Variants in RANBP2 observed in about 807,000 individuals in gnomAD.
The protein encoded by RANBP2 is RAN binding protein 2.
Under a neutral mutation model 303.6 loss-of-function variants are expected in RANBP2, and 57 were observed. That is an observed-to-expected ratio of 0.19 (90% CI 0.15 to 0.23). The LOEUF (loss-of-function observed/expected upper bound fraction) is 0.23. Among genes scored for constraint, RANBP2 ranks in the 10% least tolerant of loss-of-function variants. RANBP2 has a pLI of 1.00. For synonymous variants in RANBP2, 1,167 were observed against 1,301.5 expected (o/e 0.90, Z 2.23); for missense variants, 3,138 against 3,780.8 (o/e 0.83, Z 4.46).
At chr2:109,574,708 A>G in the RANBP2 span, 6 of 1,607,214 alleles carry the variant, frequency 3.7e-6, no homozygotes, top group Middle Eastern at 1.7e-4. Context: ...CTTAATCTTC[A>G]GTTCTTCTTG....
chr2:109,258,073 G>A, the RANBP2 span, among the ~76,000 whole-genome samples: 1 of 152,166 alleles, frequency 6.6e-6, no homozygotes, highest in Non-Finnish European at 1.5e-5. Context: ...CCATCCCTGG[G>A]CTACCAGGCA....
intron 1 of RANBP2, among the ~76,000 whole-genome samples, chr2:108,726,632 AT>A (rs1041242382): frequency 7.5e-4 from 113 of 151,406 alleles, no homozygotes; most frequent in African/African-American, 2.6e-3. Context: ...TATTATTATT[AT>A]TTTTTTAATT....
At chr2:109,032,186 T>A in the RANBP2 span, among the ~76,000 whole-genome samples, 3 of 152,116 alleles carry the variant, frequency 2.0e-5, no homozygotes, top group African/African-American at 7.2e-5. Context: ...ATGTCATAGA[T>A]CTTTGGAGAT....
the RANBP2 span, among the ~76,000 whole-genome samples, chr2:109,505,960 T>C: frequency 2.0e-5 from 3 of 152,308 alleles, no homozygotes; most frequent in South Asian, 2.1e-4. Flanking sequence ...GTATTCTGCC[T>C]ATAGAAATTA....
At chr2:109,780,682 CA>C in the RANBP2 span, among the ~76,000 whole-genome samples, 3 of 101,574 alleles carry the variant, frequency 3.0e-5, 1 homozygote, top group African/African-American at 1.5e-4. Flanking sequence ...GTCGAACTGT[CA>C]AACACAAGCA....
the RANBP2 span, among the ~76,000 whole-genome samples, chr2:109,204,260 C>T: frequency 6.6e-5 from 10 of 152,154 alleles, no homozygotes; most frequent in African/African-American, 1.7e-4. Flanking sequence ...TTGCTTATGC[C>T]CTGTTGCTTC....
the RANBP2 span, among the ~76,000 whole-genome samples, chr2:109,751,443 G>T: frequency 3.4e-5 from 5 of 148,012 alleles, no homozygotes; most frequent in African/African-American, 1.3e-4. Flanking sequence ...GCCATGTAAG[G>T]TTATCTAATT....
At chr2:109,583,382 A>G in the RANBP2 span, among the ~76,000 whole-genome samples, 1 of 152,218 alleles carries the variant, frequency 6.6e-6, no homozygotes, top group African/African-American at 2.4e-5. Context: ...AACAAACATG[A>G]CAAAACGCTC....
chr2:109,139,884 A>G, the RANBP2 span, among the ~76,000 whole-genome samples: 6 of 152,210 alleles, frequency 3.9e-5, no homozygotes, highest in African/African-American at 9.7e-5. Context: ...ACAGGGGTCT[A>G]CATCCAAAAG....
At chr2:109,013,548 C>T in the RANBP2 span, among the ~76,000 whole-genome samples, 1 of 151,706 alleles carries the variant, frequency 6.6e-6, no homozygotes, top group Admixed American at 6.6e-5. Context: ...TTGGCATACA[C>T]ATGGTATATG....
chr2:109,614,987 G>A, the RANBP2 span: 10 of 1,541,150 alleles, frequency 6.5e-6, no homozygotes, highest in Non-Finnish European at 8.7e-6. Context: ...CCCTACCGCG[G>A]ACTCCAGCCC....
At chr2:109,386,080 A>G in the RANBP2 span, among the ~76,000 whole-genome samples, 3 of 152,198 alleles carry the variant, frequency 2.0e-5, no homozygotes, top group African/African-American at 7.2e-5. Flanking sequence ...GAAAAATCTC[A>G]AAAGAATGTA....
At chr2:108,977,308 G>A in the RANBP2 span, among the ~76,000 whole-genome samples, 6 of 151,976 alleles carry the variant, frequency 3.9e-5, no homozygotes, top group African/African-American at 1.2e-4. Flanking sequence ...TCGCTCTGTC[G>A]CCCAGGCTGG....
the RANBP2 span, among the ~76,000 whole-genome samples, chr2:109,402,628 T>C: frequency 6.6e-6 from 1 of 152,174 alleles, no homozygotes. Flanking sequence ...CGGGACCCAG[T>C]GTGTCCATTC....
the RANBP2 span, among the ~76,000 whole-genome samples, chr2:108,937,390 G>C: frequency 6.6e-6 from 1 of 152,162 alleles, no homozygotes; most frequent in Non-Finnish European, 1.5e-5. Flanking sequence ...GCATACACGT[G>C]AGTGTATGTG....
chr2:108,940,200 G>C, the RANBP2 span: 1 of 152,316 alleles, frequency 6.6e-6, no homozygotes, highest in African/African-American at 2.4e-5. Flanking sequence ...AAAGATGACT[G>C]CCATTATTAC....
the RANBP2 span, chr2:109,617,543 A>G: frequency 6.0e-6 from 1 of 167,060 alleles, no homozygotes; most frequent in East Asian, 1.9e-4. Flanking sequence ...GTCCTCCTTT[A>G]GTCTTTTGGG....
the RANBP2 span, among the ~76,000 whole-genome samples, chr2:108,921,683 T>G: frequency 6.6e-6 from 1 of 152,196 alleles, no homozygotes; most frequent in African/African-American, 2.4e-5. Context: ...TAAAGAGATC[T>G]CTGGATTGAG....
At chr2:108,815,466 T>G in the RANBP2 span, among the ~76,000 whole-genome samples, 3 of 135,054 alleles carry the variant, frequency 2.2e-5, no homozygotes, top group East Asian at 4.2e-4. Context: ...TTGGTGTTTT[T>G]TTTTTTTTTT....
Sources: gnomAD v4.1 joint callset for allele counts (sites outside exome capture counted in the v4.1 genomes callset) on GRCh38, gnomAD v4.1.1 for gene constraint, MANE v1.5 for transcripts, NCBI Gene and HGNC (gene_info 2026-07-23, HGNC 2026-07-21) for gene names.